SALL4: variants seen among roughly 807,000 people sequenced by gnomAD.
SALL4 encodes the protein spalt like transcription factor 4.
A neutral mutation model predicts 60.8 loss-of-function variants in SALL4; 4 were observed. The observed-to-expected ratio is 0.07, with a 90% CI of 0.03 to 0.15. SALL4 has a LOEUF of 0.15. Ranked by LOEUF, SALL4 falls within the 10% of genes least tolerant of loss-of-function variation. SALL4 has a pLI of 1.00. For synonymous variants in SALL4, 580 were observed against 574.9 expected, an observed-to-expected ratio of 1.01 and a Z score of -0.13; for missense variants, 1,178 against 1,394.7, an observed-to-expected ratio of 0.84 and a Z score of 2.48.
Position 51,790,347 on chromosome 20 carries a change from A to T in SALL4, c.2136T>A (p.Leu712=), listed in dbSNP as rs770902657. The change falls in exon 2 of 4, where the codon CTT becomes CTA. Residue 712 remains leucine, a synonymous_variant. Coordinates refer to ENST00000217086, the MANE Select transcript of SALL4 (RefSeq NM_020436.5). This position sits in a 1 kb window ranked among gnomAD's most constrained non-coding sequence, Gnocchi z 5.5. ...PSSSSKVPTP[L]PSIHSASPTL... ...TGGGTGATGCCGAGTGGATGCTGGG[A>T]AGAGGCGTGGGGACCTTGGAGGAGC... 2 of 1,614,098 alleles carry T rather than the reference A, an allele frequency of 1.2e-6. No individual in the cohort carries two copies. The highest frequency in any genetic ancestry group is 2.2e-5 in the South Asian group (2 of 91,082).
At chr20:51,784,743 G>A (rs1264846617) in intron 3 of SALL4, 59 bp from the exon 4 acceptor site, 4 of 1,584,414 alleles carry the variant, frequency 2.5e-6, no homozygotes, top group African/African-American at 2.7e-5. Flanking sequence ...TCACTGGCAA[G>A]CCAAGAATCA....
chr20:51,796,191 T>G (rs1425732853), intron 1 of SALL4, among the ~76,000 whole-genome samples: 29 of 92,726 alleles, frequency 3.1e-4, no homozygotes, highest in Non-Finnish European at 1.2e-4. Context: ...AGAACAAGAC[T>G]GTCTCAAAAA....
At position 51,783,082 on chromosome 20, in the gene SALL4, G is replaced by A. The variant is rs1475562602; in HGVS notation, c.*1183C>T. 1 of 152,168 alleles carries A rather than the reference G, an allele frequency of 6.6e-6. No homozygotes were observed. The highest frequency in any genetic ancestry group is 1.9e-4 in the East Asian group (1 of 5,198). The allele number at this position is 152,168 out of a possible 1,614,324, so 9.4% of individuals were successfully genotyped here. On this transcript the variant is annotated 3_prime_UTR_variant, in exon 4 of 4. Transcript: ENST00000217086. ...AATTCAACAAAAGCAATCAGTATGT[G>A]AACCTGTGATGGGAAACACGCCCTT...
chr20:51,793,061 A>G, intron 1 of SALL4: 14 of 899,634 alleles, frequency 1.6e-5, no homozygotes, highest in Non-Finnish European at 1.9e-5. Context: ...TCACAGCAGC[A>G]AAGAAGTAAA....
chr20:51,783,105 C>A lies in SALL4; in HGVS notation c.*1160G>T, dbSNP rs1051594162. ...GTGAACCTGTGATGGGAAACACGCC[C>A]TTCCACGAGTTTCTTCTCGAGCATG... On this transcript the variant is annotated 3_prime_UTR_variant, in exon 4 of 4. Transcript: ENST00000217086. 1 of 152,138 alleles carries A rather than the reference C, an allele frequency of 6.6e-6. No homozygotes were observed. The highest frequency in any genetic ancestry group is 1.5e-5 in the Non-Finnish European group (1 of 68,020). 9.4% of individuals were successfully genotyped at this position (152,138 alleles called of 1,614,324 possible). A position where few individuals can be genotyped will look rare whatever the true frequency, so the allele number is the denominator to read the frequency against.
At chr20:51,797,836 T>G (rs1437512353) in intron 1 of SALL4, among the ~76,000 whole-genome samples, 1 of 152,096 alleles carries the variant, frequency 6.6e-6, no homozygotes, top group Admixed American at 6.6e-5. Flanking sequence ...ACTCTTACTA[T>G]TGTATAGGAA....
At chr20:51,787,102 A>G (rs985495988) in intron 3 of SALL4, among the ~76,000 whole-genome samples, 2 of 151,196 alleles carry the variant, frequency 1.3e-5, no homozygotes, top group African/African-American at 4.9e-5. Flanking sequence ...TCAGAAACAA[A>G]CAAACAAACA....
chr20:51,788,433 G>A lies in SALL4; in HGVS notation c.2742+428C>T, dbSNP rs1051884398. Among the ~76,000 whole-genome samples the A allele has an allele frequency of 4.6e-5, 7 of 152,024 alleles. No individual in the cohort carries two copies. The highest frequency in any genetic ancestry group is 1.7e-4 in the African/African-American group (7 of 41,394). On this transcript the variant is annotated intron_variant, in intron 3 of 3. Transcript: ENST00000217086. This position sits in a 1 kb window ranked among gnomAD's most constrained non-coding sequence, Gnocchi z 4.1. ...CAGCTGGGTGCAGTGGCTCATGCCT[G>A]TAATCCCAGCACTTTGGGAGGCCGA...
Position 51,784,336 on chromosome 20 carries a change from T to C in SALL4, c.3091A>G (p.Ser1031Gly). ...SGISADVEKP[S>G]ATDGVPKHQF... The stretch of plus-strand genomic sequence containing the variant: ...TGTTTGGGAACGCCGTCAGTAGCAC[T>C]TGGTTTTTCCACATCTGCACTGATA... The change falls in exon 4 of 4, where the codon AGT becomes GGT. Residue 1031 changes from serine (S) to glycine (G), a missense_variant. Ser to Gly is a moderately conservative substitution (Grantham distance 56). Around this residue, in one of 5 missense-constraint regions of SALL4, gnomAD observed 174 missense variants for 169.6 expected, o/e 1.03. Coordinates refer to ENST00000217086, the MANE Select transcript of SALL4 (RefSeq NM_020436.5). 6.2e-7 allele frequency: 1 copy of C among 1,614,184 alleles called. No individual in the cohort carries two copies. The highest frequency in any genetic ancestry group is 8.5e-7 in the Non-Finnish European group (1 of 1,180,026).
At position 51,789,347 on chromosome 20, in the gene SALL4, GT is replaced by G. The variant is rs531255901; in HGVS notation, c.2462-207del. Among the ~76,000 whole-genome samples, 2,999 of 144,700 alleles carry G rather than the reference GT, an allele frequency of 0.021. 26 individuals are homozygous for G. Among genetic ancestry groups the G allele is most frequent in the African/African-American group, 0.028 (1,128 of 39,780 alleles). 94.9% of individuals were successfully genotyped at this position (144,700 alleles called of 152,430 possible). A position where few individuals can be genotyped will look rare whatever the true frequency, so the allele number is the denominator to read the frequency against. ...TGCTTGGGAAAAGGTATCACTTTGG[GT>G]TTTTTTTTTTTAAAGGCATGGGCAA... On this transcript the variant is annotated intron_variant, in intron 2 of 3. Coordinates refer to ENST00000217086, the MANE Select transcript of SALL4 (RefSeq NM_020436.5).
At position 51,801,307 on chromosome 20, in the gene SALL4, T is replaced by A; in HGVS notation, c.130+972A>T. Among the ~76,000 whole-genome samples the A allele has an allele frequency of 6.6e-6, 1 of 152,172 alleles. No individual in the cohort carries two copies. The highest frequency in any genetic ancestry group is 1.9e-4 in the East Asian group (1 of 5,166). On this transcript the variant is annotated intron_variant, in intron 1 of 3. Coordinates refer to ENST00000217086, the MANE Select transcript of SALL4 (RefSeq NM_020436.5). The surrounding 1 kb of genome is among the most constrained non-coding windows in gnomAD (Gnocchi z 5.2). ...GAACTCCCCTCGATCTGGGAAACGC[T>A]GGCCGCGGAAGCGTGGGCCAGGTCA...
At chr20:51,785,608 G>A (rs1015060375) in intron 3 of SALL4, among the ~76,000 whole-genome samples, 4 of 152,116 alleles carry the variant, frequency 2.6e-5, no homozygotes, top group Non-Finnish European at 5.9e-5. Context: ...ACTATATCCT[G>A]GGCATTGATC....
chr20:51,794,962 C>T (rs779484989), intron 1 of SALL4, among the ~76,000 whole-genome samples: 10 of 152,154 alleles, frequency 6.6e-5, no homozygotes, highest in Middle Eastern at 3.4e-3. Flanking sequence ...GGGAGGTTGC[C>T]TTGGTTAGGA....
intron 3 of SALL4, among the ~76,000 whole-genome samples, chr20:51,787,853 A>C (rs1168329072): frequency 2.6e-5 from 4 of 151,568 alleles, no homozygotes; most frequent in Non-Finnish European, 4.4e-5. Flanking sequence ...ACAGGGTCTT[A>C]CTCTCTTGCC....
chr20:51,790,155 G>A lies in SALL4; in HGVS notation c.2328C>T (p.Ser776=), dbSNP rs1174600301. 1 of 1,614,014 alleles carries A rather than the reference G, an allele frequency of 6.2e-7. No individual in the cohort carries two copies. The highest frequency in any genetic ancestry group is 2.2e-5 in the East Asian group (1 of 44,884). Residue 776 remains serine (S), a synonymous_variant, in exon 2 of 4, where the codon AGC becomes AGT. Transcript: ENST00000217086. This position sits in a 1 kb window ranked among gnomAD's most constrained non-coding sequence, Gnocchi z 5.5. ...AGGATGTGGTTTCCAGGATATCTGG[G>A]CTTCGGCTCTGATACTCCTGGTCTC... ...LMGDQEYQSR[S]PDILETTSFQ...
rs979888511 is a variant in SALL4, at chr20:51,801,575, G to C, written c.130+704C>G. On this transcript the variant is annotated intron_variant, in intron 1 of 3. Coordinates refer to ENST00000217086, the MANE Select transcript of SALL4 (RefSeq NM_020436.5). The surrounding 1 kb of genome is among the most constrained non-coding windows in gnomAD (Gnocchi z 5.2). ...GCCCCGAAAGGTTAGGGCGAAGATC[G>C]GCAGGCGGCGCAGCCCGGGCAGAAA... 6.6e-6 allele frequency: 1 copy of C among 152,496 alleles called. No homozygotes were observed. Among genetic ancestry groups the C allele is most frequent in the Non-Finnish European group, 1.5e-5 (1 of 68,268 alleles). The allele number at this position is 152,496 out of a possible 1,614,324, so 9.4% of individuals were successfully genotyped here. A position where few individuals can be genotyped will look rare whatever the true frequency, so the allele number is the denominator to read the frequency against.
Position 51,792,095 on chromosome 20 carries a change from T to C in SALL4, c.388A>G (p.Lys130Glu). The C allele has an allele frequency of 6.2e-7, 1 of 1,614,162 alleles. No individual in the cohort carries two copies. ...CCGCCATTCTCCCTGTGACAGTCCT[T>C]ACTGCCGGGACTGGTGGGCTGGTGG... ...LSHQPTSPGS[K>E]DCHRENGGSS... The change falls in exon 2 of 4, where the codon AAG becomes GAG. Residue 130 changes from lysine to glutamate, a missense_variant. By Grantham distance (56) the Lys-to-Glu change is moderately conservative. Coordinates refer to ENST00000217086, the MANE Select transcript of SALL4 (RefSeq NM_020436.5).
At position 51,790,916 on chromosome 20, in the gene SALL4, C is replaced by T. The variant is rs113920122; in HGVS notation, c.1567G>A (p.Gly523Arg). 7.4e-6 allele frequency: 12 copies of T among 1,614,134 alleles called. No homozygotes were observed. Among genetic ancestry groups the T allele is most frequent in the African/African-American group, 4.0e-5 (3 of 75,028 alleles). ...PESEGGPTLP[G>R]VGPNYNSPRA... is the part of the protein sequence containing the mutation. ...GGGGAATTATAGTTTGGTCCCACCC[C>T]AGGGAGTGTGGGTCCACCCTCACTT... The change falls in exon 2 of 4, where the codon GGG (glycine) becomes AGG (arginine). Residue 523 changes from glycine (G) to arginine (R), a missense_variant. Physicochemically the swap from Gly to Arg is moderately radical, Grantham distance 125. Coordinates refer to ENST00000217086, the MANE Select transcript of SALL4 (RefSeq NM_020436.5). This position sits in a 1 kb window ranked among gnomAD's most constrained non-coding sequence, Gnocchi z 5.5.
chr20:51,786,993 G>C (rs1270711789), intron 3 of SALL4, among the ~76,000 whole-genome samples: 3 of 152,196 alleles, frequency 2.0e-5, no homozygotes, highest in Non-Finnish European at 4.4e-5. Context: ...TACTCAGGAG[G>C]CTGAGGCAGG....
Sources: gnomAD v4.1 joint callset for allele counts (sites outside exome capture counted in the v4.1 genomes callset) on GRCh38, gnomAD v4.1.1 for gene constraint, gnomAD v4.1.1 regional missense constraint, Gnocchi (gnomAD v3.1) non-coding constraint, MANE v1.5 for transcripts, NCBI Gene and HGNC (gene_info 2026-07-23, HGNC 2026-07-21) for gene names.